Variants in LIMCH1 observed in about 807,000 individuals in gnomAD.
LIMCH1 encodes LIM and calponin homology domains 1, also known as LIM and calponin homology domains-containing protein 1.
In LIMCH1, 113 loss-of-function variants were observed where a neutral mutation model predicts 176.5. The ratio of observed to expected loss-of-function variants is 0.64; its 90% CI spans 0.55 to 0.75. The LOEUF (loss-of-function observed/expected upper bound fraction) is 0.75. Among genes scored for constraint, LIMCH1 ranks in the 30% least tolerant of loss-of-function variants. LIMCH1 has a pLI of 0.00. For synonymous variants in LIMCH1, 619 were observed against 645.9 expected (o/e 0.96, Z 0.63); for missense variants, 1,674 against 1,814.9 (o/e 0.92, Z 1.41).
intron 1 of LIMCH1, among the ~76,000 whole-genome samples, chr4:41,544,921 A>C (rs1180646415): frequency 6.6e-6 from 1 of 152,192 alleles, no homozygotes; most frequent in African/African-American, 2.4e-5. Context: ...TTGAAACTCC[A>C]GTTGCCAAGT....
At chr4:41,423,174 C>T (rs1383404133) in intron 1 of LIMCH1, among the ~76,000 whole-genome samples, 2 of 152,160 alleles carry the variant, frequency 1.3e-5, no homozygotes, top group Non-Finnish European at 2.9e-5. Flanking sequence ...TAAACATCAG[C>T]GTCAGACACC....
chr4:41,438,007 T>G (rs1294776845), intron 1 of LIMCH1, among the ~76,000 whole-genome samples: 1 of 152,238 alleles, frequency 6.6e-6, no homozygotes, highest in Admixed American at 6.5e-5. Flanking sequence ...CTAAAATATC[T>G]TCTACCTGGA....
Position 41,486,724 on chromosome 4 carries a change from A to G in LIMCH1, c.97-7812A>G, listed in dbSNP as rs142012859. Among the ~76,000 whole-genome samples, 488 of 152,190 alleles carry G rather than the reference A, an allele frequency of 3.2e-3. 3 individuals carry two copies. Among genetic ancestry groups the G allele is most frequent in the African/African-American group, 0.011 (471 of 41,514 alleles). ...CTTTTTAAGATGCCAGTTATGATTTAGTAGTTCTTAGAGGGGATGGGAGCA... is the reference window on the plus strand; with the variant it reads ...CTTTTTAAGATGCCAGTTATGATTTGGTAGTTCTTAGAGGGGATGGGAGCA... On this transcript the variant is annotated intron_variant, in intron 1 of 26. Transcript: ENST00000313860.
chr4:41,635,036 C>G (rs956937534), intron 13 of LIMCH1, among the ~76,000 whole-genome samples: 5 of 152,154 alleles, frequency 3.3e-5, no homozygotes, highest in African/African-American at 9.7e-5. Context: ...TTCATTTATT[C>G]CTTACACTAC....
chr4:41,560,376 C>G (rs2081908218), intron 1 of LIMCH1, among the ~76,000 whole-genome samples: 1 of 152,158 alleles, frequency 6.6e-6, no homozygotes, highest in Admixed American at 6.5e-5. Context: ...CTGCAGAAGG[C>G]TTTCAGGGCC....
At position 41,557,546 on chromosome 4, in the gene LIMCH1, C is replaced by CTGTGTATG. The variant is rs375027661; in HGVS notation, c.-241+19201_-241+19202insATGTGTGT. Among the ~76,000 whole-genome samples, 249 of 147,836 alleles carry CTGTGTATG rather than the reference C, an allele frequency of 1.7e-3. 1 individual carries two copies. The highest frequency in any genetic ancestry group is 4.5e-3 in the African/African-American group (180 of 40,354). On this transcript the variant is annotated intron_variant, in intron 1 of 31. Coordinates refer to ENST00000503057, the MANE Select transcript of LIMCH1 (RefSeq NM_001330672.2). ...TGTGTTTTAAAAATCTTTATTGCCTCTGTGTGTGTGTGTGTGTGTGTGTGT... is the reference window on the plus strand; with the variant it reads ...TGTGTTTTAAAAATCTTTATTGCCTCTGTGTATGTGTGTGTGTGTGTGTGTGTGTGTGT...
chr4:41,437,909 A>T (rs183261794), intron 1 of LIMCH1, among the ~76,000 whole-genome samples: 11 of 152,314 alleles, frequency 7.2e-5, no homozygotes, highest in South Asian at 2.1e-4. Flanking sequence ...GCCCAAAGTA[A>T]ATTGTCACAT....
At chr4:41,579,104 G>A (rs2084977909) in intron 1 of LIMCH1, among the ~76,000 whole-genome samples, 1 of 151,726 alleles carries the variant, frequency 6.6e-6, no homozygotes, top group South Asian at 2.1e-4. Flanking sequence ...TGGGAGAATG[G>A]AGTAGCACAT....
chr4:41,497,280 T>C (rs2072346382), intron 2 of LIMCH1, among the ~76,000 whole-genome samples: 1 of 151,992 alleles, frequency 6.6e-6, no homozygotes, highest in South Asian at 2.1e-4. Flanking sequence ...AGCATCTTTG[T>C]TCACTAAAAA....
chr4:41,634,495 G>A (rs2093479221), intron 13 of LIMCH1, among the ~76,000 whole-genome samples: 1 of 152,216 alleles, frequency 6.6e-6, no homozygotes, highest in Non-Finnish European at 1.5e-5. Context: ...CCTGATGGCA[G>A]TGGGAGAGAA....
intron 1 of LIMCH1, among the ~76,000 whole-genome samples, chr4:41,556,729 C>T (rs887521003): frequency 6.6e-6 from 1 of 152,176 alleles, no homozygotes. Flanking sequence ...GCATTTCCTC[C>T]TGTCTTGTGG....
chr4:41,560,703 TAGTG>T (rs2081955371), intron 1 of LIMCH1, among the ~76,000 whole-genome samples: 2 of 150,138 alleles, frequency 1.3e-5, no homozygotes, highest in South Asian at 4.2e-4. Context: ...CTGGGCAACA[TAGTG>T]AGACCCTGTC....
intron 1 of LIMCH1, among the ~76,000 whole-genome samples, chr4:41,405,710 C>T (rs1009328183): frequency 2.6e-5 from 4 of 151,922 alleles, no homozygotes; most frequent in African/African-American, 9.7e-5. Context: ...TCACAGTTAC[C>T]CTGATTTGAT....
chr4:41,390,269 A>AGAGAGAGAGAGAGAGAGC (rs760332127), intron 1 of LIMCH1, among the ~76,000 whole-genome samples: 67 of 150,406 alleles, frequency 4.5e-4, no homozygotes, highest in Middle Eastern at 3.4e-3. Context: ...AGAGAGAGAG[A>AGAGAGAGAGAGAGAGAGC]GAGAGCGAGA....
intron 1 of LIMCH1, among the ~76,000 whole-genome samples, chr4:41,436,455 C>T (rs1052515480): frequency 6.6e-6 from 1 of 152,162 alleles, no homozygotes; most frequent in Non-Finnish European, 1.5e-5. Context: ...ATGTTGGGGA[C>T]AGCTTGTATT....
At chr4:41,669,247 C>T (rs2153003439) in intron 21 of LIMCH1, among the ~76,000 whole-genome samples, 1 of 152,058 alleles carries the variant, frequency 6.6e-6, no homozygotes, top group African/African-American at 2.4e-5. Flanking sequence ...TTAGAAATAC[C>T]AAATGGGAGA....
intron 1 of LIMCH1, among the ~76,000 whole-genome samples, chr4:41,434,687 T>C (rs956271657): frequency 2.0e-5 from 3 of 152,180 alleles, no homozygotes; most frequent in Non-Finnish European, 2.9e-5. Flanking sequence ...CGGCTAACTT[T>C]TGTATTTTTA....
chr4:41,655,977 C>G (rs2094453499), intron 18 of LIMCH1, among the ~76,000 whole-genome samples: 1 of 152,212 alleles, frequency 6.6e-6, no homozygotes, highest in Admixed American at 6.5e-5. Context: ...ACCAGCTCAT[C>G]TCAAGTGACG....
intron 1 of LIMCH1, among the ~76,000 whole-genome samples, chr4:41,435,258 A>G (rs1458514149): frequency 2.0e-5 from 3 of 152,168 alleles, no homozygotes; most frequent in African/African-American, 7.2e-5. Context: ...AAACGGAGAG[A>G]TGATGATGGA....
Sources: gnomAD v4.1 joint callset for allele counts (sites outside exome capture counted in the v4.1 genomes callset) on GRCh38, gnomAD v4.1.1 for gene constraint, MANE v1.5 for transcripts, NCBI Gene and HGNC (gene_info 2026-07-23, HGNC 2026-07-21) for gene names.